The following PARP15 variants were observed in gnomAD, a reference collection of about 807,000 sequenced individuals.
PARP15 encodes the protein poly(ADP-ribose) polymerase family member 15.
PARP15 carries 50 observed loss-of-function variants against 62.1 expected under a neutral mutation model. That is an observed-to-expected ratio of 0.81 (90% CI 0.64 to 1.02). PARP15 has a LOEUF of 1.02. Ranked by LOEUF, PARP15 falls within the 50% of genes least tolerant of loss-of-function variation. The pLI, the probability that PARP15 is intolerant of heterozygous loss-of-function variation, is 0.00. For synonymous variants in PARP15, 309 were observed against 293.1 expected (o/e 1.05, Z -0.55); for missense variants, 820 against 826.5 (o/e 0.99, Z 0.10).
At chr3:122,626,779 A>G (rs542404395) in intron 8 of PARP15, 48 bp from the exon 9 acceptor site, 2 of 1,548,830 alleles carry the variant, frequency 1.3e-6, no homozygotes, top group South Asian at 1.2e-5. Flanking sequence ...ATTTCATCAT[A>G]TTAGCAACAT....
intron 1 of PARP15, among the ~76,000 whole-genome samples, chr3:122,585,471 A>C (rs1933346204): frequency 6.6e-6 from 1 of 152,186 alleles, no homozygotes; most frequent in Admixed American, 6.5e-5. Flanking sequence ...CCTGTTATGG[A>C]GTGACATCAG....
chr3:122,589,410 G>A (rs1157773105), intron 1 of PARP15, among the ~76,000 whole-genome samples: 2 of 152,214 alleles, frequency 1.3e-5, no homozygotes, highest in Non-Finnish European at 2.9e-5. Flanking sequence ...AGAGGTTACT[G>A]TGTGGACGTA....
At position 122,584,855 on chromosome 3, in the gene PARP15, G is replaced by A. The variant is rs138978749; in HGVS notation, c.186+7002G>A. ...GGCCTCCCAAAGTGCTGGGATTACA[G>A]GCATGAGCTACCACGCCGGGCCCAT... is the stretch of plus-strand genomic sequence containing the variant. On this transcript the variant is annotated intron_variant, in intron 1 of 11. Coordinates refer to ENST00000464300, the MANE Select transcript of PARP15 (RefSeq NM_001113523.3). Among the ~76,000 whole-genome samples the A allele has an allele frequency of 4.5e-3, 687 of 152,282 alleles. 5 individuals carry two copies. Among genetic ancestry groups the A allele is most frequent in the African/African-American group, 0.016 (662 of 41,548 alleles).
At chr3:122,621,873 A>G (rs771482974) in intron 8 of PARP15, among the ~76,000 whole-genome samples, 18 of 152,106 alleles carry the variant, frequency 1.2e-4, no homozygotes, top group Non-Finnish European at 2.5e-4. Context: ...ATCTCAGCTC[A>G]CTGCAACCTC....
intron 1 of PARP15, among the ~76,000 whole-genome samples, chr3:122,597,454 G>A (rs57957178): frequency 6.6e-6 from 1 of 152,136 alleles, no homozygotes; most frequent in East Asian, 1.9e-4. Context: ...CTGGTGTACT[G>A]CACCCATTAA....
At chr3:122,621,211 T>G (rs1936317473) in intron 7 of PARP15, 1 of 439,880 alleles carries the variant, frequency 2.3e-6, no homozygotes, top group Admixed American at 4.0e-5. Flanking sequence ...TTGATGCAGA[T>G]AAAGTACTTT....
At chr3:122,603,333 C>A (rs998343667) in intron 1 of PARP15, among the ~76,000 whole-genome samples, 8 of 152,092 alleles carry the variant, frequency 5.3e-5, no homozygotes, top group African/African-American at 1.9e-4. Flanking sequence ...AGGTCTACAA[C>A]CACCCAGCTT....
chr3:122,615,049 AAAG>A lies in PARP15; in HGVS notation c.772-727_772-725del, dbSNP rs1157372699. The A allele has an allele frequency of 7.2e-6, 7 of 973,476 alleles. No individual in the cohort carries two copies. In the African/African-American group the frequency reaches 1.3e-4, roughly 17 times the overall value. 60.3% of individuals were successfully genotyped at this position (973,476 alleles called of 1,614,324 possible). On this transcript the variant is annotated intron_variant, in intron 4 of 11. Coordinates refer to ENST00000464300, the MANE Select transcript of PARP15 (RefSeq NM_001113523.3). Reference sequence around the variant, plus strand: ...TGTCTGCAAAAAAAAAAAAAAAAGAAAAGAAAAGAAAAGAAAGAAAGAAAGAGA... The same window carrying A: ...TGTCTGCAAAAAAAAAAAAAAAAGAAAAAAGAAAAGAAAGAAAGAAAGAGA...
At chr3:122,598,661 T>C (rs1270529062) in intron 1 of PARP15, among the ~76,000 whole-genome samples, 1 of 152,128 alleles carries the variant, frequency 6.6e-6, no homozygotes. Flanking sequence ...TTCTGCCATA[T>C]TTTGTTGGTC....
chr3:122,632,064 T>A, intron 9 of PARP15, 22 bp from the exon 10 acceptor site: 1 of 1,613,950 alleles, frequency 6.2e-7, no homozygotes, highest in Non-Finnish European at 8.5e-7. Context: ...TGTTGTGTTT[T>A]GACCAAATGC....
chr3:122,583,692 A>G (rs1226430847), intron 1 of PARP15, among the ~76,000 whole-genome samples: 1 of 152,136 alleles, frequency 6.6e-6, no homozygotes, highest in Non-Finnish European at 1.5e-5. Context: ...TCTTTAATCT[A>G]TAATTAATTT....
chr3:122,584,429 C>T (rs1193330946), intron 1 of PARP15, among the ~76,000 whole-genome samples: 1 of 152,036 alleles, frequency 6.6e-6, no homozygotes, highest in East Asian at 1.9e-4. Context: ...TCCTACAGAA[C>T]AATGTTAAGT....
At chr3:122,583,569 T>C (rs1933150947) in intron 1 of PARP15, among the ~76,000 whole-genome samples, 1 of 152,238 alleles carries the variant, frequency 6.6e-6, no homozygotes. Context: ...TGAATATTTT[T>C]GCACTTTAAC....
chr3:122,622,609 C>G (rs1936421250), intron 8 of PARP15, among the ~76,000 whole-genome samples: 1 of 152,204 alleles, frequency 6.6e-6, no homozygotes, highest in Non-Finnish European at 1.5e-5. Context: ...AATGCCGTTA[C>G]CTAGGCTCTG....
chr3:122,619,322 C>T (rs900084609), intron 6 of PARP15, among the ~76,000 whole-genome samples: 1 of 152,120 alleles, frequency 6.6e-6, no homozygotes, highest in African/African-American at 2.4e-5. Context: ...GGTGAAGCTA[C>T]GACTTTGACT....
At chr3:122,609,044 A>G (rs1227858634) in intron 2 of PARP15, among the ~76,000 whole-genome samples, 1 of 152,116 alleles carries the variant, frequency 6.6e-6, no homozygotes, top group Non-Finnish European at 1.5e-5. Flanking sequence ...GTAAACCACT[A>G]CACCCAGCCT....
intron 6 of PARP15, among the ~76,000 whole-genome samples, chr3:122,618,137 C>A (rs1936108081): frequency 1.3e-5 from 2 of 152,166 alleles, no homozygotes; most frequent in Non-Finnish European, 2.9e-5. Context: ...TATTATGGAA[C>A]TTACCATGCA....
At chr3:122,620,561 A>G (rs1484106862) in intron 7 of PARP15, among the ~76,000 whole-genome samples, 1 of 152,152 alleles carries the variant, frequency 6.6e-6, no homozygotes, top group African/African-American at 2.4e-5. Flanking sequence ...ATTTCTCTGG[A>G]GTGAATACAG....
chr3:122,632,658 G>A (rs1238627691), intron 10 of PARP15, among the ~76,000 whole-genome samples: 1 of 152,176 alleles, frequency 6.6e-6, no homozygotes, highest in Non-Finnish European at 1.5e-5. Flanking sequence ...CAGCAATTAG[G>A]GGGTCTCTGT....
Sources: gnomAD v4.1 joint callset for allele counts (sites outside exome capture counted in the v4.1 genomes callset) on GRCh38, gnomAD v4.1.1 for gene constraint, MANE v1.5 for transcripts, NCBI Gene and HGNC (gene_info 2026-07-23, HGNC 2026-07-21) for gene names.